MTSS1: variants seen among roughly 807,000 people sequenced by gnomAD.
MTSS1 encodes MTSS I-BAR domain containing 1, also known as protein MTSS 1.
In MTSS1, 18 loss-of-function variants were observed where a neutral mutation model predicts 79.0. The ratio of observed to expected loss-of-function variants is 0.23; its 90% CI spans 0.16 to 0.34. The LOEUF is 0.34. Among genes scored for constraint, MTSS1 ranks in the 10% least tolerant of loss-of-function variants. The pLI is 1.00. For synonymous variants in MTSS1, 341 were observed against 368.6 expected, an observed-to-expected ratio of 0.93 and a Z score of 0.86; for missense variants, 815 against 986.2, an observed-to-expected ratio of 0.83 and a Z score of 2.33.
chr8:124,587,929 A>G (rs1327634083), intron 5 of MTSS1, among the ~76,000 whole-genome samples: 1 of 152,256 alleles, frequency 6.6e-6, no homozygotes, highest in Non-Finnish European at 1.5e-5. Flanking sequence ...GAAGTTCTAC[A>G]TAAGACTGAT....
At chr8:124,724,811 C>T (rs1833444877) in intron 1 of MTSS1, among the ~76,000 whole-genome samples, 1 of 152,132 alleles carries the variant, frequency 6.6e-6, no homozygotes, top group Non-Finnish European at 1.5e-5. Flanking sequence ...GATTCCAGGA[C>T]CTCCTTGATG....
chr8:124,661,406 A>G (rs1822003999), intron 3 of MTSS1, among the ~76,000 whole-genome samples: 3 of 152,088 alleles, frequency 2.0e-5, no homozygotes, highest in Non-Finnish European at 2.9e-5. Context: ...CTAGACAAAG[A>G]GCAAGTTCAT....
chr8:124,584,202 G>A (rs1376568040), intron 6 of MTSS1, among the ~76,000 whole-genome samples: 2 of 152,160 alleles, frequency 1.3e-5, no homozygotes, highest in Non-Finnish European at 2.9e-5. Context: ...GCTGGTTTAG[G>A]GGAGAGAAAA....
Position 124,666,181 on chromosome 8 carries a change from A to G in MTSS1, c.208+33345T>C, listed in dbSNP as rs1823038448. 2.0e-5 allele frequency among the ~76,000 whole-genome samples: 3 copies of G among 152,238 alleles called. No homozygotes were observed. The South Asian group carries it at 6.2e-4, about 31-fold the overall frequency. Reference sequence around the variant, plus strand: ...ATCTCCCTGGGGTGGGGACTGGATCATATTTCCTAGCACAGCCCCAGGACA... The same window carrying G: ...ATCTCCCTGGGGTGGGGACTGGATCGTATTTCCTAGCACAGCCCCAGGACA... On this transcript the variant is annotated intron_variant, in intron 3 of 13. Coordinates refer to ENST00000518547, the MANE Select transcript of MTSS1 (RefSeq NM_014751.6).
chr8:124,598,440 G>A (rs926662886), intron 3 of MTSS1, among the ~76,000 whole-genome samples: 5 of 152,116 alleles, frequency 3.3e-5, no homozygotes, highest in African/African-American at 4.8e-5. Flanking sequence ...GGGCAAACTC[G>A]TCCCTGGTGA....
intron 3 of MTSS1, among the ~76,000 whole-genome samples, chr8:124,629,479 G>A (rs952739602): frequency 8.5e-5 from 10 of 117,728 alleles, no homozygotes; most frequent in Non-Finnish European, 1.4e-4. Flanking sequence ...TCACGCCACT[G>A]CACTCCAGCC....
At position 124,603,174 on chromosome 8, in the gene MTSS1, C is replaced by T. The variant is rs575786811; in HGVS notation, c.209-11939G>A. Among the ~76,000 whole-genome samples the T allele has an allele frequency of 5.3e-5, 8 of 152,298 alleles. No individual in the cohort carries two copies. In the East Asian group the frequency reaches 1.2e-3, roughly 22 times the overall value. The stretch of plus-strand genomic sequence containing the variant: ...CCAAGTATCTGGGATTACAGGCGTG[C>T]GCCACCACTCCTGGCTAATTTTTGT... On this transcript the variant is annotated intron_variant, in intron 3 of 13. Transcript: ENST00000518547.
chr8:124,633,599 C>T (rs1212786157), intron 3 of MTSS1, among the ~76,000 whole-genome samples: 2 of 151,926 alleles, frequency 1.3e-5, no homozygotes, highest in Non-Finnish European at 2.9e-5. Flanking sequence ...GGTGAAACCC[C>T]GTCACTACTA....
Position 124,553,566 on chromosome 8 carries a change from T to C in MTSS1, c.1694A>G (p.Lys565Arg). ...GAGGCCAGCAGTTGAGGCTGGACGCTTGGCTTGGAACATCCGTCGGTAGGA... is the reference window on the plus strand; with the variant it reads ...GAGGCCAGCAGTTGAGGCTGGACGCCTGGCTTGGAACATCCGTCGGTAGGA... The part of the protein sequence containing the change: ...SQSYRRMFQA[K>R]RPASTAGLPT... Residue 565 changes from lysine to arginine, a missense_variant, in exon 14 of 14, where the codon AAG (lysine) becomes AGG (arginine). By Grantham distance (26) the Lys-to-Arg change is conservative (BLOSUM62 2). Transcript: ENST00000518547. This position sits in a 1 kb window ranked among gnomAD's most constrained non-coding sequence, Gnocchi z 6.0. 6.2e-7 allele frequency: 1 copy of C among 1,614,132 alleles called. No homozygotes were observed. The highest frequency in any genetic ancestry group is 8.5e-7 in the Non-Finnish European group (1 of 1,180,012).
At chr8:124,558,803 G>A (rs528827200) in intron 10 of MTSS1, 2 of 1,572,082 alleles carry the variant, frequency 1.3e-6, no homozygotes, top group East Asian at 4.6e-5. Flanking sequence ...AGGTTTCCGA[G>A]GCTTCGGAGG....
chr8:124,648,709 G>GCACC (rs1554694497), intron 3 of MTSS1, among the ~76,000 whole-genome samples: 1 of 147,776 alleles, frequency 6.8e-6, no homozygotes, highest in African/African-American at 2.6e-5. Flanking sequence ...CCAAATAGCA[G>GCACC]CCCCCCCCCA....
At chr8:124,572,372 A>T (rs896428607) in intron 6 of MTSS1, among the ~76,000 whole-genome samples, 11 of 70,998 alleles carry the variant, frequency 1.5e-4, no homozygotes, top group African/African-American at 4.2e-4. Context: ...TATATTTATA[A>T]AAAAAAACTG....
At chr8:124,645,466 C>T (rs1473082339) in intron 3 of MTSS1, among the ~76,000 whole-genome samples, 1 of 152,208 alleles carries the variant, frequency 6.6e-6, no homozygotes, top group Admixed American at 6.5e-5. Context: ...CTAGTCCCAT[C>T]TTCACGATCC....
At chr8:124,626,849 C>T (rs555810195) in intron 3 of MTSS1, among the ~76,000 whole-genome samples, 22 of 152,270 alleles carry the variant, frequency 1.4e-4, no homozygotes, top group African/African-American at 5.1e-4. Context: ...AGAATCACAT[C>T]TCCATGGTGA....
At chr8:124,679,711 C>A (rs1825838073) in intron 3 of MTSS1, among the ~76,000 whole-genome samples, 1 of 152,220 alleles carries the variant, frequency 6.6e-6, no homozygotes, top group Non-Finnish European at 1.5e-5. Flanking sequence ...CATAACCTTC[C>A]CTATCCATGC....
chr8:124,575,768 C>A (rs1345891719), intron 6 of MTSS1, among the ~76,000 whole-genome samples: 1 of 152,176 alleles, frequency 6.6e-6, no homozygotes, highest in African/African-American at 2.4e-5. Flanking sequence ...TTTCAGAGAA[C>A]AACTAGAAAA....
intron 3 of MTSS1, among the ~76,000 whole-genome samples, chr8:124,635,707 C>T (rs956714025): frequency 4.6e-5 from 7 of 152,140 alleles, no homozygotes; most frequent in Non-Finnish European, 8.8e-5. Context: ...TAGTAGACAA[C>T]GGGAGCTCAA....
intron 3 of MTSS1, among the ~76,000 whole-genome samples, chr8:124,685,921 T>C (rs1826891312): frequency 6.6e-6 from 1 of 152,140 alleles, no homozygotes; most frequent in African/African-American, 2.4e-5. Context: ...GGAACGCAAG[T>C]GAGCACCATG....
chr8:124,719,638 C>G (rs996518976), intron 1 of MTSS1, among the ~76,000 whole-genome samples: 8 of 152,246 alleles, frequency 5.3e-5, no homozygotes, highest in East Asian at 1.9e-4. Flanking sequence ...AATACATGTA[C>G]TGTGTCCTCT....
Sources: gnomAD v4.1 joint callset for allele counts (sites outside exome capture counted in the v4.1 genomes callset) on GRCh38, gnomAD v4.1.1 for gene constraint, Gnocchi (gnomAD v3.1) non-coding constraint, MANE v1.5 for transcripts, NCBI Gene and HGNC (gene_info 2026-07-23, HGNC 2026-07-21) for gene names.